ASMTL: variants seen among roughly 807,000 people sequenced by gnomAD.
ASMTL encodes the protein acetylserotonin O-methyltransferase like, also known as probable bifunctional dTTP/UTP pyrophosphatase/methyltransferase protein.
ASMTL carries 57 observed loss-of-function variants against 60.3 expected under a neutral mutation model. That is an observed-to-expected ratio of 0.95 (90% CI 0.76 to 1.18). The LOEUF is 1.18. ASMTL is among the 50% of genes most tolerant of loss of function. The probability of loss-of-function intolerance (pLI) is 0.00; values close to 1 mark genes in which losing one functional copy is unlikely to be tolerated. For synonymous variants in ASMTL, 419 were observed against 373.0 expected (o/e 1.12, Z -1.42); for missense variants, 981 against 852.6 (o/e 1.15, Z -1.88).
chrX:1,405,458 G>A (rs1831305169), intron 12 of ASMTL, among the ~76,000 whole-genome samples: 1 of 151,600 alleles, frequency 6.6e-6, no homozygotes. Flanking sequence ...GATAGTAGAT[G>A]ATGGTTAGGT....
chrX:1,426,668 C>T (rs1216072916), intron 7 of ASMTL, among the ~76,000 whole-genome samples: 1 of 152,198 alleles, frequency 6.6e-6, no homozygotes, highest in Non-Finnish European at 1.5e-5. Context: ...TCCTGGCCAA[C>T]ATAGCGAAAC....
At chrX:1,434,022 G>T (rs781673002) in intron 5 of ASMTL, among the ~76,000 whole-genome samples, 2 of 152,266 alleles carry the variant, frequency 1.3e-5, no homozygotes, top group African/African-American at 4.8e-5. Flanking sequence ...TGTGCGTGGA[G>T]GTCCCATGGG....
At chrX:1,444,078 C>G (rs2091181170) in intron 1 of ASMTL, among the ~76,000 whole-genome samples, 1 of 152,238 alleles carries the variant, frequency 6.6e-6, no homozygotes, top group African/African-American at 2.4e-5. Flanking sequence ...GGATAAACCC[C>G]TCTGTGACCA....
At chrX:1,412,661 C>T in intron 12 of ASMTL, 71 bp downstream of exon 12, 2 of 1,607,144 alleles carry the variant, frequency 1.2e-6, no homozygotes, top group Non-Finnish European at 1.7e-6. Context: ...CCGCGCCCGG[C>T]CTCCTTGTAA....
At chrX:1,422,956 T>G (rs746811344) in intron 8 of ASMTL, among the ~76,000 whole-genome samples, 6 of 152,072 alleles carry the variant, frequency 3.9e-5, no homozygotes, top group Non-Finnish European at 7.3e-5. Context: ...TTCTTTTAAT[T>G]TTTTAATTTT....
intron 2 of ASMTL, chrX:1,441,745 CAT>C (rs1603451701): frequency 6.3e-6 from 1 of 158,758 alleles, no homozygotes; most frequent in Admixed American, 6.2e-5. Context: ...TATTATAACA[CAT>C]AGTAATAGAT....
intron 1 of ASMTL, among the ~76,000 whole-genome samples, chrX:1,451,868 T>A (rs2091398695): frequency 8.3e-6 from 1 of 120,726 alleles, no homozygotes. Context: ...CCGGGGTCAC[T>A]CTGCTGTCCC....
intron 1 of ASMTL, among the ~76,000 whole-genome samples, chrX:1,443,830 CA>C (rs2091175038): frequency 6.7e-6 from 1 of 149,574 alleles, no homozygotes; most frequent in Admixed American, 6.7e-5. Context: ...CACACACCGC[CA>C]TTTTGGCCAT....
intron 12 of ASMTL, among the ~76,000 whole-genome samples, chrX:1,412,337 C>T (rs1239993623): frequency 3.9e-5 from 6 of 152,266 alleles, no homozygotes; most frequent in African/African-American, 4.8e-5. Context: ...AAGTGATTCT[C>T]CTGCCTCAGC....
chrX:1,418,203 G>A (rs2090369367), intron 10 of ASMTL, 87 bp from the exon 11 acceptor site: 2 of 1,426,882 alleles, frequency 1.4e-6, no homozygotes, highest in South Asian at 1.4e-5. Context: ...CAGAAGTAAT[G>A]TTCAAGGGCA....
At chrX:1,439,064 A>G (rs1328755615) in intron 3 of ASMTL, 33 bp downstream of exon 3, 1 of 1,611,976 alleles carries the variant, frequency 6.2e-7, no homozygotes, top group South Asian at 1.1e-5. Context: ...ACCACATCGG[A>G]CATTAGAAAC....
In ASMTL at chrX:1,452,786, T is replaced by C. The variant is rs756791563; in HGVS notation, c.55A>G (p.Ser19Gly). 2 of 1,597,192 alleles carry C rather than the reference T, an allele frequency of 1.3e-6. No individual in the cohort carries two copies. The highest frequency in any genetic ancestry group is 1.1e-5 in the South Asian group (1 of 89,778). Reference protein sequence around the residue: ...KLLHKRVVLASASPRRQEILS... With the variant: ...KLLHKRVVLAGASPRRQEILS... ...ATCTCCTGACGGCGTGGGGAGGCGC[T>C]GGCCAGCACCACGCGCTTGTGCAGC... The change falls in exon 1 of 13, where the codon AGC becomes GGC. Residue 19 changes from serine to glycine, a missense_variant. Transcript: ENST00000381317.
chrX:1,450,707 C>T (rs2091345161), intron 1 of ASMTL, among the ~76,000 whole-genome samples: 1 of 136,394 alleles, frequency 7.3e-6, no homozygotes, highest in Non-Finnish European at 1.6e-5. Context: ...TCACACTCCC[C>T]AACCCCATCC....
intron 12 of ASMTL, among the ~76,000 whole-genome samples, chrX:1,404,056 T>C (rs1395482844): frequency 1.4e-5 from 2 of 147,270 alleles, no homozygotes; most frequent in Non-Finnish European, 3.0e-5. Context: ...ATGGACGAGA[T>C]GGATGGATGG....
intron 7 of ASMTL, 31 bp from the exon 8 acceptor site, chrX:1,425,718 A>G (rs2090597395): frequency 1.2e-6 from 2 of 1,607,882 alleles, no homozygotes; most frequent in African/African-American, 2.7e-5. Context: ...GAGACTCATT[A>G]AGTCCCTTGT....
intron 1 of ASMTL, among the ~76,000 whole-genome samples, chrX:1,450,678 A>G (rs1293452756): frequency 1.3e-5 from 1 of 79,804 alleles, no homozygotes; most frequent in Non-Finnish European, 2.5e-5. Flanking sequence ...CCCCTCCCCC[A>G]TCCCTAGGGG....
rs139818782 is a variant in ASMTL at position 1,440,257 on chromosome X, T to C, written c.226-1113A>G. On this transcript the variant is annotated intron_variant, in intron 2 of 12. Coordinates refer to ENST00000381317, the MANE Select transcript of ASMTL (RefSeq NM_004192.4). ...GCCCGCCACCGCGCCCAGCCAATAT[T>C]TTGTGTGTGTTTTTAGTACAGACGG... is the stretch of plus-strand genomic sequence containing the variant. Among the ~76,000 whole-genome samples the C allele has an allele frequency of 7.0e-3, 1,057 of 152,062 alleles. 10 individuals carry two copies. Among genetic ancestry groups the C allele is most frequent in the African/African-American group, 0.023 (934 of 41,508 alleles).
At chrX:1,453,082 T>C (rs776267254), upstream of ASMTL, among the ~76,000 whole-genome samples, 1 of 117,190 alleles carries the variant, frequency 8.5e-6, no homozygotes, top group African/African-American at 5.4e-5. Context: ...CATTGCCCTC[T>C]CCACCAGGCC....
chrX:1,421,526 C>G, intron 9 of ASMTL, 132 bp downstream of exon 9: 2 of 982,484 alleles, frequency 2.0e-6, no homozygotes, highest in Admixed American at 2.4e-5. Context: ...GTTCTCCAGG[C>G]AGAACGAGCC....
Sources: allele counts gnomAD v4.1 joint callset (sites outside exome capture counted in the v4.1 genomes callset), GRCh38; gene constraint gnomAD v4.1.1; transcripts MANE v1.5; gene names NCBI Gene and HGNC (gene_info 2026-07-23, HGNC 2026-07-21).